Variants in TANGO6 observed in about 807,000 individuals in gnomAD.
TANGO6 encodes the protein transport and Golgi organization protein 6 homolog.
TANGO6 carries 90 observed loss-of-function variants against 114.2 expected under a neutral mutation model. That is an observed-to-expected ratio of 0.79 (90% confidence interval 0.66 to 0.94). The LOEUF (loss-of-function observed/expected upper bound fraction) is 0.94, where lower values mean the gene tolerates loss of function less well. TANGO6 is among the 40% of genes least tolerant of loss of function. The pLI, the probability that TANGO6 is intolerant of heterozygous loss-of-function variation, is 0.00. For missense variants in TANGO6, 1,274 were observed against 1,315.3 expected, an observed-to-expected ratio of 0.97 and a Z score of 0.49; for synonymous variants, 477 against 509.8, an observed-to-expected ratio of 0.94 and a Z score of 0.87.
intron 15 of TANGO6, among the ~76,000 whole-genome samples, chr16:68,994,832 G>A (rs559412015): frequency 6.6e-5 from 10 of 151,924 alleles, no homozygotes; most frequent in South Asian, 6.3e-4. Flanking sequence ...CAATTCTCCC[G>A]CCTCAGCCTC....
chr16:69,031,992 G>A (rs1354934265), intron 16 of TANGO6, among the ~76,000 whole-genome samples: 1 of 151,982 alleles, frequency 6.6e-6, no homozygotes, highest in African/African-American at 2.4e-5. Context: ...AAGATATAAG[G>A]AAGCAAGGGG....
At chr16:69,005,133 T>C (rs1201605989) in intron 15 of TANGO6, among the ~76,000 whole-genome samples, 2 of 152,072 alleles carry the variant, frequency 1.3e-5, no homozygotes, top group Non-Finnish European at 2.9e-5. Context: ...GGGGCCACAG[T>C]ACAACATGAC....
chr16:69,040,504 TC>T, intron 17 of TANGO6, 83 bp downstream of exon 17: 4 of 1,125,580 alleles, frequency 3.6e-6, no homozygotes, highest in Non-Finnish European at 5.2e-6. Context: ...AGGGAAGGCC[TC>T]AAACCTCTTT....
rs758514067 is a variant in TANGO6, at chr16:68,878,319, G to A, written c.1294+39G>A. 61 of 1,558,280 alleles carry A rather than the reference G, an allele frequency of 3.9e-5. No homozygotes were observed. In the Admixed American group the frequency reaches 1.2e-3, roughly 30 times the overall value. On this transcript the variant is annotated intron_variant, in intron 6 of 17. Transcript: ENST00000261778. ...TGTGGTGGCTGTGTGTGCCTCTAAAGGACCTTCTTCAGTATTTCACGTTGA... is the reference window on the plus strand; with the variant it reads ...TGTGGTGGCTGTGTGTGCCTCTAAAAGACCTTCTTCAGTATTTCACGTTGA...
At chr16:68,922,983 C>G (rs1963117137) in intron 12 of TANGO6, among the ~76,000 whole-genome samples, 2 of 120,624 alleles carry the variant, frequency 1.7e-5, no homozygotes, top group South Asian at 5.5e-4. Flanking sequence ...GAGTTTCGCT[C>G]GTTGCCCAGG....
chr16:68,938,130 G>C (rs189266361), intron 14 of TANGO6, among the ~76,000 whole-genome samples: 2 of 152,308 alleles, frequency 1.3e-5, no homozygotes, highest in East Asian at 1.9e-4. Flanking sequence ...TATCAAAGCT[G>C]TCGAGGTAAA....
chr16:69,038,989 C>T (rs140747367), intron 16 of TANGO6, among the ~76,000 whole-genome samples: 214 of 152,224 alleles, frequency 1.4e-3, no homozygotes, highest in African/African-American at 4.6e-3. Context: ...TGAGACCATC[C>T]TGGCTAACAC....
chr16:68,952,716 C>T lies in TANGO6; in HGVS notation c.2702-21312C>T, dbSNP rs543638047. On this transcript the variant is annotated intron_variant, in intron 14 of 17. Coordinates refer to ENST00000261778, the MANE Select transcript of TANGO6 (RefSeq NM_024562.2). Reference sequence around the variant, plus strand: ...ATTTTTACATTAGGCTTTTGTGCTTCCTGACCTTGTGGTATCTCTCCTGCC... The same window carrying T: ...ATTTTTACATTAGGCTTTTGTGCTTTCTGACCTTGTGGTATCTCTCCTGCC... Among the ~76,000 whole-genome samples the T allele has an allele frequency of 6.6e-5, 10 of 152,202 alleles. No homozygotes were observed. In the South Asian group the frequency reaches 2.1e-3, roughly 32 times the overall value.
chr16:68,845,187 C>T (rs1434932555), intron 1 of TANGO6, among the ~76,000 whole-genome samples: 4 of 152,088 alleles, frequency 2.6e-5, no homozygotes, highest in Non-Finnish European at 5.9e-5. Context: ...AGGCTGGTCT[C>T]GAACTCCTGA....
At chr16:68,928,950 G>T (rs1188769620) in intron 13 of TANGO6, among the ~76,000 whole-genome samples, 2 of 152,000 alleles carry the variant, frequency 1.3e-5, no homozygotes, top group Non-Finnish European at 1.5e-5. Context: ...ACAGGGTCTC[G>T]CTCCGTCGCC....
intron 7 of TANGO6, among the ~76,000 whole-genome samples, chr16:68,891,020 A>T (rs192372507): frequency 1.5e-5 from 2 of 132,522 alleles, no homozygotes; most frequent in Non-Finnish European, 3.2e-5. Flanking sequence ...GTGAGACTCC[A>T]TCTCAAAAAA....
At chr16:68,930,400 A>G in intron 14 of TANGO6, 105 bp downstream of exon 14, 1 of 909,520 alleles carries the variant, frequency 1.1e-6, no homozygotes, top group Non-Finnish European at 1.7e-6. Context: ...ACTACTGGTC[A>G]TTTTGTCCGT....
At chr16:68,904,310 T>G (rs1962821840) in intron 9 of TANGO6, among the ~76,000 whole-genome samples, 1 of 152,146 alleles carries the variant, frequency 6.6e-6, no homozygotes, top group African/African-American at 2.4e-5. Flanking sequence ...ATACAGTACT[T>G]CATTTTCACA....
intron 1 of TANGO6, among the ~76,000 whole-genome samples, chr16:68,849,971 CTTTTTT>C (rs560571416): frequency 2.6e-5 from 3 of 114,862 alleles, no homozygotes; most frequent in South Asian, 2.8e-4. Context: ...TCTAGCGGTT[CTTTTTT>C]TTTTTTTTTT....
intron 5 of TANGO6, 145 bp downstream of exon 5, chr16:68,875,435 T>A (rs1457410317): frequency 9.3e-7 from 1 of 1,075,734 alleles, no homozygotes; most frequent in Non-Finnish European, 1.3e-6. Context: ...AATAAATGAA[T>A]AAAAACCGGT....
intron 14 of TANGO6, 136 bp downstream of exon 14, chr16:68,930,431 A>G (rs1396102035): frequency 1.5e-6 from 1 of 674,424 alleles, no homozygotes; most frequent in Non-Finnish European, 2.6e-6. Flanking sequence ...CCTAGCTAGG[A>G]CACTTTAAGT....
chr16:68,936,782 A>T (rs1963303133), intron 14 of TANGO6, among the ~76,000 whole-genome samples: 1 of 151,738 alleles, frequency 6.6e-6, no homozygotes, highest in Admixed American at 6.6e-5. Context: ...GGATAAAACT[A>T]CCAGCCTTCT....
At chr16:69,028,643 A>G (rs892592015) in intron 16 of TANGO6, among the ~76,000 whole-genome samples, 9 of 152,034 alleles carry the variant, frequency 5.9e-5, no homozygotes, top group African/African-American at 2.2e-4. Flanking sequence ...AAAAAAAACT[A>G]AAAATTAAAA....
chr16:68,862,917 A>C (rs1316990256), intron 2 of TANGO6, 28 bp from the exon 3 acceptor site: 1 of 1,485,966 alleles, frequency 6.7e-7, no homozygotes, highest in East Asian at 2.4e-5. Context: ...TTTGAATTCC[A>C]CTAAAGCCAA....
Sources: allele counts gnomAD v4.1 joint callset (sites outside exome capture counted in the v4.1 genomes callset), GRCh38; gene constraint gnomAD v4.1.1; transcripts MANE v1.5; gene names NCBI Gene and HGNC (gene_info 2026-07-23, HGNC 2026-07-21).